The following MASP1 variants were observed in gnomAD, a reference collection of about 807,000 sequenced individuals.
The protein encoded by MASP1 is mannan-binding lectin serine protease 1.
A neutral mutation model predicts 77.1 loss-of-function variants in MASP1; 59 were observed. The observed-to-expected ratio is 0.77, with a 90% CI of 0.62 to 0.95. The LOEUF (loss-of-function observed/expected upper bound fraction) is 0.95, where lower values mean the gene tolerates loss of function less well. MASP1 is among the 40% of genes least tolerant of loss of function. The pLI is 0.00. For missense variants in MASP1, 885 were observed against 912.9 expected, an observed-to-expected ratio of 0.97 and a Z score of 0.39; for synonymous variants, 362 against 354.5, an observed-to-expected ratio of 1.02 and a Z score of -0.24.
chr3:187,275,122 T>G (rs1716858046), intron 2 of MASP1, among the ~76,000 whole-genome samples: 1 of 152,196 alleles, frequency 6.6e-6, no homozygotes, highest in Admixed American at 6.5e-5. Flanking sequence ...CTTCAGCAAC[T>G]TGGAGGCTGG....
At chr3:187,267,026 T>C (rs1256951777) in intron 2 of MASP1, among the ~76,000 whole-genome samples, 2 of 152,248 alleles carry the variant, frequency 1.3e-5, no homozygotes, top group African/African-American at 2.4e-5. Flanking sequence ...AAGCAATGTA[T>C]AGAGAAAGCA....
chr3:187,256,572 G>T, intron 5 of MASP1, 92 bp downstream of exon 5: 2 of 1,190,274 alleles, frequency 1.7e-6, no homozygotes, highest in East Asian at 2.4e-5. Context: ...CTCTATCCTG[G>T]GAGAAGAAGG....
intron 6 of MASP1, among the ~76,000 whole-genome samples, chr3:187,252,465 C>G (rs1714700290): frequency 6.6e-6 from 1 of 152,172 alleles, no homozygotes; most frequent in East Asian, 1.9e-4. Context: ...GGGCCTATCC[C>G]TGACACTTTT....
chr3:187,225,493 GAGCCTCCA>G lies in MASP1; in HGVS notation c.1564_1571del (p.Trp522ProfsTer4). On this transcript the variant is annotated frameshift_variant, in exon 13 of 16. Coordinates refer to the MASP1 transcript ENST00000337774. LOFTEE classifies it high-confidence loss of function. ...GATGCTGTTCATTTTCATCTGACCG[GAGCCTCCA>G]ATGCTTGCCTGGGCAAGAAGAAGAC... is the stretch of plus-strand genomic sequence containing the variant. 6.2e-7 allele frequency: 1 copy of G among 1,614,190 alleles called. No individual in the cohort carries two copies. The highest frequency in any genetic ancestry group is 1.1e-5 in the South Asian group (1 of 91,082).
At chr3:187,229,383 A>G (rs1560232531), downstream of MASP1, among the ~76,000 whole-genome samples, 1 of 152,182 alleles carries the variant, frequency 6.6e-6, no homozygotes, top group East Asian at 1.9e-4. Flanking sequence ...AGAACTTTCC[A>G]GAGCATACTT....
chr3:187,256,453 C>G, intron 5 of MASP1: 1 of 613,274 alleles, frequency 1.6e-6, no homozygotes, highest in Middle Eastern at 4.5e-4. Context: ...CTCAAGCCAC[C>G]CTAGTGGCCA....
At chr3:187,272,484 G>T (rs571181686) in intron 2 of MASP1, among the ~76,000 whole-genome samples, 1 of 152,178 alleles carries the variant, frequency 6.6e-6, no homozygotes, top group East Asian at 1.9e-4. Context: ...ATGGAAACAG[G>T]TCTTTGCAGA....
Position 187,250,294 on chromosome 3 carries a change from A to G in MASP1, c.1047T>C (p.Cys349=). 4 of 1,613,984 alleles carry G rather than the reference A, an allele frequency of 2.5e-6. No individual in the cohort carries two copies. Among genetic ancestry groups the G allele is most frequent in the Non-Finnish European group, 3.4e-6 (4 of 1,179,872 alleles). The change falls in exon 8 of 11, where the codon TGT becomes TGC. Residue 349 remains cysteine (C), a synonymous_variant. Coordinates refer to ENST00000296280, the MANE Select transcript of MASP1 (RefSeq NM_139125.4). The stretch of plus-strand genomic sequence containing the variant: ...TGTTACTCCACGTCCCATCCTTCAG[A>G]CACTCAATCTGGAATGTGTCCATCT... ...NVEMDTFQIE[C]LKDGTWSNKI...
intron 2 of MASP1, among the ~76,000 whole-genome samples, chr3:187,284,401 T>G (rs1179588187): frequency 6.6e-6 from 1 of 152,180 alleles, no homozygotes; most frequent in Non-Finnish European, 1.5e-5. Flanking sequence ...GCTAGGGATG[T>G]TGCTAAAAAT....
intron 2 of MASP1, among the ~76,000 whole-genome samples, chr3:187,271,832 T>C (rs1430437669): frequency 2.0e-5 from 3 of 152,158 alleles, no homozygotes; most frequent in Non-Finnish European, 4.4e-5. Context: ...TCCTCCCCCC[T>C]TGTCTTCCCT....
At position 187,221,063 on chromosome 3, in the gene MASP1, C is replaced by T. The variant is rs370248178; in HGVS notation, c.1881G>A (p.Arg627=). ...CCTTCTCCCCAGCACAGATCATGTCCCTGGTCACTTTCTTCTTCAGCGGGG... is the reference window on the plus strand; with the variant it reads ...CCTTCTCCCCAGCACAGATCATGTCTCTGGTCACTTTCTTCTTCAGCGGGG... Residue 627 remains arginine (R), a synonymous_variant, in exon 15 of 16, where the codon AGG becomes AGA. Transcript: ENST00000337774. 13 of 1,614,124 alleles carry T rather than the reference C, an allele frequency of 8.1e-6. No individual in the cohort carries two copies. The East Asian group carries it at 1.1e-4, about 14-fold the overall frequency.
rs1011535449 is a variant in MASP1, at chr3:187,235,109, A to G, written c.*575T>C. On this transcript the variant is annotated 3_prime_UTR_variant, in exon 11 of 11. Coordinates refer to ENST00000296280, the MANE Select transcript of MASP1 (RefSeq NM_139125.4). Reference sequence around the variant, plus strand: ...AGCTTTTGGGAGAGAAACCCCAGGCATGAAGGTGCTCCAAGGGATCACACT... The same window carrying G: ...AGCTTTTGGGAGAGAAACCCCAGGCGTGAAGGTGCTCCAAGGGATCACACT... 2.3e-5 allele frequency: 30 copies of G among 1,287,240 alleles called. No homozygotes were observed. The Admixed American group carries it at 6.4e-4, about 28-fold the overall frequency. 79.7% of individuals were successfully genotyped at this position (1,287,240 alleles called of 1,614,324 possible).
At chr3:187,223,600 C>T (rs907590169) in intron 13 of MASP1, among the ~76,000 whole-genome samples, 1 of 152,248 alleles carries the variant, frequency 6.6e-6, no homozygotes, top group Non-Finnish European at 1.5e-5. Context: ...TGCTATGGTG[C>T]CTTTAGCCAG....
At chr3:187,284,355 G>A (rs1027011331) in intron 2 of MASP1, among the ~76,000 whole-genome samples, 1 of 152,152 alleles carries the variant, frequency 6.6e-6, no homozygotes, top group African/African-American at 2.4e-5. Flanking sequence ...TAACTGGTGG[G>A]GCCGGGGCTG....
rs1041173206 is a variant in MASP1 at position 187,221,194 on chromosome 3, C to T, written c.1810-60G>A. ...GGCTGAGAAGCCTCTGCTATTCTGA[C>T]ACCCCTGAAGACGGCTCCTCTCCAC... On this transcript the variant is annotated intron_variant, in intron 14 of 15. Coordinates refer to the MASP1 transcript ENST00000337774. 8.5e-6 allele frequency: 11 copies of T among 1,292,332 alleles called. No homozygotes were observed. In the Admixed American group the frequency reaches 1.9e-4, roughly 22 times the overall value. 80.1% of individuals were successfully genotyped at this position (1,292,332 alleles called of 1,614,324 possible). A position where few individuals can be genotyped will look rare whatever the true frequency, so the allele number is the denominator to read the frequency against.
chr3:187,257,247 A>G (rs1348097135), intron 4 of MASP1, among the ~76,000 whole-genome samples: 2 of 152,164 alleles, frequency 1.3e-5, no homozygotes, highest in East Asian at 3.9e-4. Flanking sequence ...CTCATCTCCT[A>G]CAGGCCCTTG....
At chr3:187,245,691 T>C (rs1334790721) in intron 8 of MASP1, among the ~76,000 whole-genome samples, 2 of 152,200 alleles carry the variant, frequency 1.3e-5, no homozygotes, top group African/African-American at 4.8e-5. Flanking sequence ...TAGACCCTGC[T>C]TCCTCCGTTG....
At chr3:187,225,295 C>T (rs1712347713) in intron 13 of MASP1, 1 of 1,611,354 alleles carries the variant, frequency 6.2e-7, no homozygotes, top group Non-Finnish European at 8.5e-7. Flanking sequence ...CACCAGCTGC[C>T]CTGCAGAGGT....
At chr3:187,266,095 C>T (rs1017107812) in intron 2 of MASP1, among the ~76,000 whole-genome samples, 1 of 152,294 alleles carries the variant, frequency 6.6e-6, no homozygotes, top group African/African-American at 2.4e-5. Flanking sequence ...GAAGACAAAA[C>T]ATTCATAATA....
Sources: gnomAD v4.1 joint callset for allele counts (sites outside exome capture counted in the v4.1 genomes callset) on GRCh38, gnomAD v4.1.1 for gene constraint, MANE v1.5 for transcripts, NCBI Gene and HGNC (gene_info 2026-07-23, HGNC 2026-07-21) for gene names.